Variants in AUTS2 observed in about 807,000 individuals in gnomAD.
The protein encoded by AUTS2 is autism susceptibility gene 2 protein.
AUTS2 carries 17 observed loss-of-function variants against 112.4 expected under a neutral mutation model. The ratio of observed to expected loss-of-function variants is 0.15; its 90% CI spans 0.10 to 0.23. The LOEUF (loss-of-function observed/expected upper bound fraction) is 0.23, where lower values mean the gene tolerates loss of function less well. AUTS2 is among the 10% of genes least tolerant of loss of function. The pLI is 1.00. For synonymous variants in AUTS2, 751 were observed against 702.7 expected, an observed-to-expected ratio of 1.07 and a Z score of -1.09; for missense variants, 1,510 against 1,701.6, an observed-to-expected ratio of 0.89 and a Z score of 1.98.
intron 4 of AUTS2, among the ~76,000 whole-genome samples, chr7:70,158,087 C>T (rs1280525213): frequency 2.0e-5 from 3 of 151,966 alleles, no homozygotes; most frequent in African/African-American, 7.3e-5. Context: ...TTGGAAAGAC[C>T]CAAAGTGTGG....
At chr7:70,476,927 C>T (rs1436631624) in intron 5 of AUTS2, among the ~76,000 whole-genome samples, 2 of 152,228 alleles carry the variant, frequency 1.3e-5, no homozygotes, top group South Asian at 2.1e-4. Flanking sequence ...GACTCCAGAA[C>T]ATCTCCCAAA....
intron 5 of AUTS2, among the ~76,000 whole-genome samples, chr7:70,457,764 C>T (rs958863145): frequency 6.6e-6 from 1 of 152,144 alleles, no homozygotes; most frequent in Non-Finnish European, 1.5e-5. Flanking sequence ...ACTCAGGCTG[C>T]AGTTAACTAT....
chr7:70,129,066 G>A (rs1806130673), intron 3 of AUTS2, among the ~76,000 whole-genome samples: 1 of 152,138 alleles, frequency 6.6e-6, no homozygotes, highest in South Asian at 2.1e-4. Context: ...CAGAACCACA[G>A]CAGAAGATAA....
intron 6 of AUTS2, among the ~76,000 whole-genome samples, chr7:70,723,334 T>C (rs1355616364): frequency 1.3e-5 from 2 of 152,200 alleles, no homozygotes; most frequent in Non-Finnish European, 2.9e-5. Flanking sequence ...ATGGTTGTTC[T>C]GGGAGACACC....
intron 1 of AUTS2, among the ~76,000 whole-genome samples, chr7:69,758,530 G>C (rs141710183): frequency 1.6e-4 from 24 of 152,168 alleles, no homozygotes; most frequent in African/African-American, 5.5e-4. Flanking sequence ...TCTCAGAACG[G>C]GTAAAATGGC....
At chr7:70,413,791 C>T (rs1448909303) in intron 4 of AUTS2, among the ~76,000 whole-genome samples, 15 of 152,172 alleles carry the variant, frequency 9.9e-5, no homozygotes, top group Admixed American at 9.8e-4. Flanking sequence ...AATCCTCCTA[C>T]TCAGCCTCAA....
At chr7:70,220,378 A>C (rs960108504) in intron 4 of AUTS2, among the ~76,000 whole-genome samples, 8 of 152,158 alleles carry the variant, frequency 5.3e-5, no homozygotes, top group African/African-American at 1.9e-4. Context: ...GTCACTCCTC[A>C]TTCTTTAGTA....
At chr7:70,502,934 T>G (rs1798823203) in intron 5 of AUTS2, among the ~76,000 whole-genome samples, 1 of 150,900 alleles carries the variant, frequency 6.6e-6, no homozygotes, top group South Asian at 2.1e-4. Context: ...TAGGGTAGAC[T>G]CCTCCCACAC....
intron 4 of AUTS2, among the ~76,000 whole-genome samples, chr7:70,179,337 A>G (rs1008656615): frequency 2.6e-5 from 4 of 152,058 alleles, no homozygotes; most frequent in African/African-American, 9.7e-5. Context: ...AGTTTTGGTC[A>G]CCCCTACAGC....
At chr7:70,700,607 G>A (rs973546891) in intron 6 of AUTS2, among the ~76,000 whole-genome samples, 1 of 149,756 alleles carries the variant, frequency 6.7e-6, no homozygotes, top group Non-Finnish European at 1.5e-5. Flanking sequence ...ATTAAGGGGG[G>A]TGTGGAGGGG....
At chr7:70,160,948 T>C (rs747045298) in intron 4 of AUTS2, among the ~76,000 whole-genome samples, 11 of 152,192 alleles carry the variant, frequency 7.2e-5, no homozygotes, top group Non-Finnish European at 1.5e-4. Context: ...GTAAATTGCA[T>C]GCAAATTTCA....
chr7:70,569,230 G>A (rs1801839241), intron 5 of AUTS2, among the ~76,000 whole-genome samples: 1 of 152,198 alleles, frequency 6.6e-6, no homozygotes, highest in Non-Finnish European at 1.5e-5. Flanking sequence ...AGCACGTTAT[G>A]GGAAAGGTGA....
intron 2 of AUTS2, among the ~76,000 whole-genome samples, chr7:70,108,649 G>A (rs1224999184): frequency 6.6e-6 from 1 of 151,724 alleles, no homozygotes; most frequent in African/African-American, 2.4e-5. Flanking sequence ...CTTTTTTACT[G>A]TAACTACAAC....
intron 2 of AUTS2, among the ~76,000 whole-genome samples, chr7:69,950,716 T>C (rs1390429924): frequency 6.6e-6 from 1 of 152,184 alleles, no homozygotes; most frequent in African/African-American, 2.4e-5. Flanking sequence ...TGTCAAGGTA[T>C]GCTGTATACG....
chr7:70,778,069 G>T (rs1044385273), intron 14 of AUTS2, among the ~76,000 whole-genome samples: 1 of 152,140 alleles, frequency 6.6e-6, no homozygotes, highest in African/African-American at 2.4e-5. Flanking sequence ...GTCCAAAGAC[G>T]ATTTTTCCTT....
chr7:69,672,604 G>A (rs548303513), intron 1 of AUTS2, among the ~76,000 whole-genome samples: 2 of 152,296 alleles, frequency 1.3e-5, no homozygotes, highest in African/African-American at 2.4e-5. Flanking sequence ...TTTAGAACAT[G>A]TCGAGGAGAG....
intron 2 of AUTS2, among the ~76,000 whole-genome samples, chr7:70,109,292 C>T (rs1440989155): frequency 6.6e-6 from 1 of 152,068 alleles, no homozygotes; most frequent in Non-Finnish European, 1.5e-5. Flanking sequence ...AAGCTGAAAA[C>T]TGTACTAAAG....
Position 70,040,702 on chromosome 7 carries a change from A to G in AUTS2, c.523-77430A>G, listed in dbSNP as rs554347021. Among the ~76,000 whole-genome samples the G allele has an allele frequency of 9.2e-5, 14 of 152,304 alleles. 1 individual carries two copies. In the East Asian group the frequency reaches 2.7e-3, roughly 29 times the overall value. ...GAAAGACTTAGGACAACAACATGGC[A>G]TGCTGTGTGGACATGATTTGCTTTG... On this transcript the variant is annotated intron_variant, in intron 2 of 18. Coordinates refer to ENST00000342771, the MANE Select transcript of AUTS2 (RefSeq NM_015570.4).
chr7:70,613,010 C>CGACATCA (rs1412384228), intron 5 of AUTS2, among the ~76,000 whole-genome samples: 1 of 151,876 alleles, frequency 6.6e-6, no homozygotes, highest in Admixed American at 6.6e-5. Flanking sequence ...ATCATGCAGG[C>CGACATCA]GACATCAGAG....
Sources: allele counts gnomAD v4.1 joint callset (sites outside exome capture counted in the v4.1 genomes callset), GRCh38; gene constraint gnomAD v4.1.1; transcripts MANE v1.5; gene names NCBI Gene and HGNC (gene_info 2026-07-23, HGNC 2026-07-21).